CRB1: variants seen among roughly 807,000 people sequenced by gnomAD.
CRB1 encodes the protein crumbs cell polarity complex component 1.
A neutral mutation model predicts 120.0 loss-of-function variants in CRB1; 83 were observed. That is an observed-to-expected ratio of 0.69 (90% CI 0.58 to 0.83). The LOEUF is 0.83. Among genes scored for constraint, CRB1 ranks in the 40% least tolerant of loss-of-function variants. The pLI is 0.00. For synonymous variants in CRB1, 625 were observed against 612.5 expected, an observed-to-expected ratio of 1.02 and a Z score of -0.30; for missense variants, 1,699 against 1,687.6, an observed-to-expected ratio of 1.01 and a Z score of -0.12.
intron 2 of CRB1, among the ~76,000 whole-genome samples, chr1:197,338,800 A>T (rs568557553): frequency 4.6e-5 from 7 of 152,330 alleles, no homozygotes; most frequent in Admixed American, 3.3e-4. Context: ...CATTAATAAT[A>T]TTTATAAAGA....
At chr1:197,372,940 A>C (rs565539681) in intron 5 of CRB1, among the ~76,000 whole-genome samples, 1 of 152,252 alleles carries the variant, frequency 6.6e-6, no homozygotes, top group East Asian at 1.9e-4. Context: ...AGCTGCTCCT[A>C]GATTCAGCTA....
chr1:197,363,937 C>T (rs1273042759), intron 5 of CRB1: 2 of 1,317,554 alleles, frequency 1.5e-6, no homozygotes, highest in Non-Finnish European at 2.2e-6. Flanking sequence ...GGACATTAAG[C>T]TTCGGCGGTA....
At chr1:197,401,061 T>C (rs759934745) in intron 5 of CRB1, among the ~76,000 whole-genome samples, 1 of 152,108 alleles carries the variant, frequency 6.6e-6, no homozygotes, top group Non-Finnish European at 1.5e-5. Flanking sequence ...TCACAATATC[T>C]TTAAACTTCC....
chr1:197,438,006 C>T (rs544579816), intron 9 of CRB1: 71 of 158,166 alleles, frequency 4.5e-4, no homozygotes, highest in Admixed American at 2.3e-3. Context: ...CAGTTACCAT[C>T]GTGTGCTATA....
chr1:197,429,432 AT>A lies in CRB1; in HGVS notation c.2677-14del. On this transcript the variant is annotated splice_polypyrimidine_tract_variant and intron_variant, in intron 7 of 11. Coordinates refer to ENST00000367400, the MANE Select transcript of CRB1 (RefSeq NM_201253.3). ...GTTGCCAGTGCTTTTTATACCTTTG[AT>A]TTCTTTTCTGCTCAGTCCAACCCCT... 6.2e-7 allele frequency: 1 copy of A among 1,613,690 alleles called. No homozygotes were observed. The highest frequency in any genetic ancestry group is 8.5e-7 in the Non-Finnish European group (1 of 1,179,794).
intron 5 of CRB1, among the ~76,000 whole-genome samples, chr1:197,413,456 G>C (rs542545769): frequency 1.3e-5 from 2 of 151,914 alleles, no homozygotes; most frequent in African/African-American, 4.8e-5. Context: ...ATTTGAAGTT[G>C]CCATTAATTT....
At chr1:197,301,444 G>A (rs563981619) in intron 1 of CRB1, among the ~76,000 whole-genome samples, 2 of 152,246 alleles carry the variant, frequency 1.3e-5, no homozygotes, top group South Asian at 2.1e-4. Context: ...GGGATTACAG[G>A]TGTGAGTTAC....
At chr1:197,278,529 G>A (rs1448407793) in intron 1 of CRB1, among the ~76,000 whole-genome samples, 1 of 151,914 alleles carries the variant, frequency 6.6e-6, no homozygotes, top group African/African-American at 2.4e-5. Flanking sequence ...AGGGAAAAAG[G>A]TAATGGAGGA....
intron 5 of CRB1, among the ~76,000 whole-genome samples, chr1:197,419,307 C>A (rs1571517045): frequency 6.7e-6 from 1 of 149,798 alleles, no homozygotes; most frequent in African/African-American, 2.4e-5. Flanking sequence ...TAATAACAAA[C>A]AATAAATGAG....
intron 5 of CRB1, among the ~76,000 whole-genome samples, chr1:197,404,956 T>C (rs1663266010): frequency 6.6e-6 from 1 of 152,178 alleles, no homozygotes; most frequent in Admixed American, 6.5e-5. Flanking sequence ...TTGTGAGAAA[T>C]GAATAATACA....
At chr1:197,201,904 C>T in the CRB1 span, among the ~76,000 whole-genome samples, 1 of 151,876 alleles carries the variant, frequency 6.6e-6, no homozygotes, top group Admixed American at 6.5e-5. Flanking sequence ...TTTATATAAG[C>T]GTAAAGCTGG....
chr1:197,476,310 CAATT>C (rs759664379), intron 11 of CRB1, among the ~76,000 whole-genome samples: 3 of 151,770 alleles, frequency 2.0e-5, no homozygotes, highest in African/African-American at 4.8e-5. Context: ...CTCCTCAACA[CAATT>C]AATTCATCAC....
chr1:197,478,115 T>C lies in CRB1; in HGVS notation c.*236T>C, dbSNP rs1056166844. The C allele has an allele frequency of 5.6e-6, 3 of 539,912 alleles. No individual in the cohort carries two copies. In the African/African-American group the frequency reaches 5.7e-5, roughly 10 times the overall value. The allele number at this position is 539,912 out of a possible 1,614,324, so 33.4% of individuals were successfully genotyped here. A position where few individuals can be genotyped will look rare whatever the true frequency, so the allele number is the denominator to read the frequency against. On this transcript the variant is annotated 3_prime_UTR_variant, in exon 12 of 12. Coordinates refer to ENST00000367400, the MANE Select transcript of CRB1 (RefSeq NM_201253.3). ...GTCTGTGCCAGTAATTTCAGCCTTA[T>C]AATTAGCAAAAACATCTTCCAGAGA...
chr1:197,242,746 T>C, the CRB1 span, among the ~76,000 whole-genome samples: 2 of 152,196 alleles, frequency 1.3e-5, no homozygotes, highest in Non-Finnish European at 2.9e-5. Context: ...TCAGAAGAAA[T>C]GGTACCAGCT....
At chr1:197,323,597 A>G (rs1658325759) in intron 1 of CRB1, among the ~76,000 whole-genome samples, 1 of 152,200 alleles carries the variant, frequency 6.6e-6, no homozygotes, top group Non-Finnish European at 1.5e-5. Context: ...AAATAAATGT[A>G]ATGTCAAAGG....
At chr1:197,244,114 T>G in the CRB1 span, among the ~76,000 whole-genome samples, 1 of 152,224 alleles carries the variant, frequency 6.6e-6, no homozygotes, top group Non-Finnish European at 1.5e-5. Flanking sequence ...ACGATGGGTC[T>G]TGACTCTTTA....
the CRB1 span, among the ~76,000 whole-genome samples, chr1:197,252,582 A>ATGTATATATATGTGTG: frequency 1.9e-4 from 3 of 15,506 alleles, no homozygotes; most frequent in South Asian, 9.0e-3. Flanking sequence ...ATATATATAT[A>ATGTATATATATGTGTG]TGTGTGTGTG....
chr1:197,381,642 A>G (rs1661962959), intron 5 of CRB1, among the ~76,000 whole-genome samples: 1 of 152,246 alleles, frequency 6.6e-6, no homozygotes, highest in Admixed American at 6.5e-5. Flanking sequence ...ATAGAAAATG[A>G]TTAAAGACAC....
At chr1:197,428,110 C>A in intron 7 of CRB1, 109 bp downstream of exon 7, 1 of 936,898 alleles carries the variant, frequency 1.1e-6, no homozygotes, top group Non-Finnish European at 1.7e-6. Context: ...ATGTTACTGA[C>A]CCACCAGTAT....
Sources: gnomAD v4.1 joint callset for allele counts (sites outside exome capture counted in the v4.1 genomes callset) on GRCh38, gnomAD v4.1.1 for gene constraint, MANE v1.5 for transcripts, NCBI Gene and HGNC (gene_info 2026-07-23, HGNC 2026-07-21) for gene names.